The following KLHL1 variants were observed in gnomAD, a reference collection of about 807,000 sequenced individuals.
The protein encoded by KLHL1 is kelch-like protein 1.
KLHL1 carries 47 observed loss-of-function variants against 77.7 expected under a neutral mutation model. That is an observed-to-expected ratio of 0.60 (90% CI 0.48 to 0.77). The LOEUF is 0.77. Ranked by LOEUF, KLHL1 falls within the 30% of genes least tolerant of loss-of-function variation. The pLI is 0.00. For missense variants in KLHL1, 925 were observed against 910.8 expected, an observed-to-expected ratio of 1.02 and a Z score of -0.20; for synonymous variants, 360 against 325.2, an observed-to-expected ratio of 1.11 and a Z score of -1.15.
intron 3 of KLHL1, among the ~76,000 whole-genome samples, chr13:69,952,770 C>T (rs1201799728): frequency 6.6e-6 from 1 of 151,302 alleles, no homozygotes; most frequent in East Asian, 1.9e-4. Flanking sequence ...TGTCCTTTCC[C>T]AAGCATAATG....
At chr13:70,038,281 G>A (rs369258503) in intron 1 of KLHL1, among the ~76,000 whole-genome samples, 1 of 152,240 alleles carries the variant, frequency 6.6e-6, no homozygotes, top group East Asian at 1.9e-4. Flanking sequence ...TGGTAGCAAT[G>A]TACTATGGCT....
Position 69,964,844 on chromosome 13 carries a change from T to A in KLHL1, c.681-3400A>T, listed in dbSNP as rs184312266. Among the ~76,000 whole-genome samples, 4 of 152,282 alleles carry A rather than the reference T, an allele frequency of 2.6e-5. No individual in the cohort carries two copies. In the South Asian group the frequency reaches 8.3e-4, roughly 32 times the overall value. The stretch of plus-strand genomic sequence containing the variant: ...TCCCTTTTCTAATACTTTAAACAAC[T>A]GGGTCATCTCTTGGTCAATTTCCAT... On this transcript the variant is annotated intron_variant, in intron 2 of 10. Coordinates refer to ENST00000377844, the MANE Select transcript of KLHL1 (RefSeq NM_020866.3).
intron 10 of KLHL1, among the ~76,000 whole-genome samples, chr13:69,706,784 T>C (rs1409027413): frequency 6.6e-6 from 1 of 151,976 alleles, no homozygotes. Context: ...AGTCAGAGTG[T>C]ATCGATTCCC....
intron 8 of KLHL1, among the ~76,000 whole-genome samples, chr13:69,731,445 T>C (rs200359109): frequency 6.6e-6 from 1 of 152,142 alleles, no homozygotes; most frequent in Admixed American, 6.6e-5. Context: ...CTATAGGCTG[T>C]GTATGATTTT....
intron 1 of KLHL1, among the ~76,000 whole-genome samples, chr13:70,099,522 G>A (rs1887874600): frequency 6.6e-6 from 1 of 151,884 alleles, no homozygotes; most frequent in Non-Finnish European, 1.5e-5. Context: ...TAAGTATAAT[G>A]GATGACTCCT....
At chr13:69,820,179 T>C (rs1366664055) in intron 6 of KLHL1, among the ~76,000 whole-genome samples, 2 of 152,172 alleles carry the variant, frequency 1.3e-5, no homozygotes, top group East Asian at 3.9e-4. Flanking sequence ...AATTTTATAT[T>C]GTCTCCTCAA....
At chr13:69,838,127 C>T (rs1178636555) in intron 6 of KLHL1, among the ~76,000 whole-genome samples, 2 of 148,894 alleles carry the variant, frequency 1.3e-5, no homozygotes, top group Admixed American at 1.3e-4. Flanking sequence ...CCTGCAGCTA[C>T]AATTTTGAAA....
At chr13:69,848,575 AT>A (rs1013420302) in intron 5 of KLHL1, among the ~76,000 whole-genome samples, 1 of 151,656 alleles carries the variant, frequency 6.6e-6, no homozygotes, top group African/African-American at 2.4e-5. Flanking sequence ...ATATTTAAAA[AT>A]GAAAGAAAAG....
At chr13:70,006,545 G>A (rs1187892790) in intron 1 of KLHL1, among the ~76,000 whole-genome samples, 1 of 143,606 alleles carries the variant, frequency 7.0e-6, no homozygotes, top group Non-Finnish European at 1.5e-5. Flanking sequence ...ATTTGTATTA[G>A]TTATTTGTTA....
At chr13:69,701,887 G>T in intron 10 of KLHL1, 126 bp from the exon 11 acceptor site, 1 of 614,086 alleles carries the variant, frequency 1.6e-6, no homozygotes, top group Non-Finnish European at 2.6e-6. Flanking sequence ...TTAGCCAGAA[G>T]TAGTACAGTA....
chr13:70,080,401 T>A (rs955503046), intron 1 of KLHL1, among the ~76,000 whole-genome samples: 1 of 152,324 alleles, frequency 6.6e-6, no homozygotes. Context: ...AATTAAGTTA[T>A]TTTTTAAAAC....
At chr13:69,827,684 T>C (rs1164656130) in intron 6 of KLHL1, among the ~76,000 whole-genome samples, 2 of 141,782 alleles carry the variant, frequency 1.4e-5, no homozygotes, top group East Asian at 2.1e-4. Flanking sequence ...TGAGCCAAGA[T>C]CGTGCCACTG....
chr13:69,968,593 A>C (rs1427676276), intron 2 of KLHL1, among the ~76,000 whole-genome samples: 1 of 151,832 alleles, frequency 6.6e-6, no homozygotes, highest in African/African-American at 2.4e-5. Context: ...TGTTTTAAAC[A>C]TAAAATATAT....
chr13:69,718,719 C>T (rs1209749944), intron 9 of KLHL1, among the ~76,000 whole-genome samples: 1 of 152,078 alleles, frequency 6.6e-6, no homozygotes, highest in African/African-American at 2.4e-5. Context: ...GATACCTGTG[C>T]CAGAAGTCTC....
At chr13:69,914,359 T>C (rs1449955523) in intron 4 of KLHL1, among the ~76,000 whole-genome samples, 19 of 152,214 alleles carry the variant, frequency 1.2e-4, no homozygotes. Flanking sequence ...TATTATCATA[T>C]GTTTAGTGAT....
At chr13:69,706,429 C>T (rs923531104) in intron 10 of KLHL1, among the ~76,000 whole-genome samples, 6 of 151,836 alleles carry the variant, frequency 4.0e-5, no homozygotes, top group African/African-American at 1.4e-4. Flanking sequence ...TTGCTGAATG[C>T]ATACCATCAA....
rs1194434296 is a variant in KLHL1 at position 69,701,647 on chromosome 13, A to G, written c.*55T>C. On this transcript the variant is annotated 3_prime_UTR_variant, in exon 11 of 11. Coordinates refer to ENST00000377844, the MANE Select transcript of KLHL1 (RefSeq NM_020866.3). ...TGGAAGTTCTCATTCTTGCCATTCA[A>G]TATAAAAATAACCACTCCAGCAAGT... 7 of 1,235,856 alleles carry G rather than the reference A, an allele frequency of 5.7e-6. No homozygotes were observed. The highest frequency in any genetic ancestry group is 7.1e-6 in the Non-Finnish European group (6 of 848,570). The allele number at this position is 1,235,856 out of a possible 1,614,324, so 76.6% of individuals were successfully genotyped here. A position where few individuals can be genotyped will look rare whatever the true frequency, so the allele number is the denominator to read the frequency against.
At chr13:69,996,724 T>A (rs1002974098) in intron 1 of KLHL1, among the ~76,000 whole-genome samples, 1 of 152,002 alleles carries the variant, frequency 6.6e-6, no homozygotes, top group Non-Finnish European at 1.5e-5. Context: ...CTTTTCCATA[T>A]GTGATATTGC....
chr13:70,039,192 C>G (rs150467974), intron 1 of KLHL1, among the ~76,000 whole-genome samples: 1 of 152,024 alleles, frequency 6.6e-6, no homozygotes, highest in East Asian at 1.9e-4. Context: ...CCTCAGCTCC[C>G]CAAGCATCTG....
Sources: allele counts gnomAD v4.1 joint callset (sites outside exome capture counted in the v4.1 genomes callset), GRCh38; gene constraint gnomAD v4.1.1; transcripts MANE v1.5; gene names NCBI Gene and HGNC (gene_info 2026-07-23, HGNC 2026-07-21).